AVEN: variants seen among roughly 807,000 people sequenced by gnomAD.
AVEN encodes the protein apoptosis and caspase activation inhibitor.
Under a neutral mutation model 38.1 loss-of-function variants are expected in AVEN, and 41 were observed. The observed-to-expected ratio is 1.08, with a 90% CI of 0.84 to 1.40. The LOEUF (loss-of-function observed/expected upper bound fraction) is 1.40. AVEN is among the 40% of genes most tolerant of loss of function. The probability of loss-of-function intolerance (pLI) is 0.00; values close to 1 mark genes in which losing one functional copy is unlikely to be tolerated. For missense variants in AVEN, 605 were observed against 438.8 expected (o/e 1.38, Z -3.38); for synonymous variants, 206 against 171.8 (o/e 1.20, Z -1.56).
intron 2 of AVEN, among the ~76,000 whole-genome samples, chr15:33,983,213 TAC>T (rs1491388409): frequency 1.9e-4 from 7 of 36,922 alleles, no homozygotes; most frequent in South Asian, 1.2e-3. Context: ...TATATATATA[TAC>T]ATATATATAC....
In AVEN at chr15:33,876,145, C is replaced by T. The variant is rs1360763064; in HGVS notation, c.446-150G>A. On this transcript the variant is annotated intron_variant, in intron 2 of 5. Transcript: ENST00000306730. ...TAAAACTGGAACATACCTCCAACTC[C>T]ATTTCCAAAATTACAAAACACACAG... is the stretch of plus-strand genomic sequence containing the variant. 4.6e-6 allele frequency: 3 copies of T among 646,420 alleles called. No individual in the cohort carries two copies. The East Asian group carries it at 8.2e-5, about 18-fold the overall frequency. 40.0% of individuals were successfully genotyped at this position (646,420 alleles called of 1,614,324 possible). A position where few individuals can be genotyped will look rare whatever the true frequency, so the allele number is the denominator to read the frequency against.
intron 1 of AVEN, among the ~76,000 whole-genome samples, chr15:34,025,210 A>G (rs1898402519): frequency 6.6e-6 from 1 of 152,224 alleles, no homozygotes; most frequent in Non-Finnish European, 1.5e-5. Context: ...GTGAAAATGA[A>G]TAAGATTCTG....
intron 1 of AVEN, among the ~76,000 whole-genome samples, chr15:34,024,472 C>CAAAA (rs10531898): frequency 5.9e-5 from 6 of 101,914 alleles, no homozygotes; most frequent in African/African-American, 1.6e-4. Context: ...GACCCTGTCT[C>CAAAA]AAAAAAAAAA....
intron 2 of AVEN, among the ~76,000 whole-genome samples, chr15:33,892,585 T>C (rs1224750274): frequency 6.6e-6 from 1 of 152,210 alleles, no homozygotes; most frequent in Non-Finnish European, 1.5e-5. Flanking sequence ...CATTGGTCTG[T>C]ATCTCTGTTT....
At chr15:33,988,421 G>C (rs1475366546) in intron 2 of AVEN, among the ~76,000 whole-genome samples, 1 of 152,266 alleles carries the variant, frequency 6.6e-6, no homozygotes, top group African/African-American at 2.4e-5. Context: ...GTTTCTACAT[G>C]TATAGAATAG....
chr15:33,900,835 T>A (rs1195951089), intron 2 of AVEN, among the ~76,000 whole-genome samples: 1 of 152,004 alleles, frequency 6.6e-6, no homozygotes, highest in Non-Finnish European at 1.5e-5. Context: ...CAACGAACAG[T>A]TTTTTGTGTT....
At position 34,063,279 on chromosome 15, in the gene AVEN, C is replaced by G; in HGVS notation, n.1280G>C. 2 of 1,614,196 alleles carry G rather than the reference C, an allele frequency of 1.2e-6. No individual in the cohort carries two copies. The highest frequency in any genetic ancestry group is 1.7e-6 in the Non-Finnish European group (2 of 1,180,042). On this transcript the variant is annotated non_coding_transcript_exon_variant, in exon 5 of 12. Transcript: ENST00000675287. The surrounding 1 kb of genome is among the most constrained non-coding windows in gnomAD (Gnocchi z 4.1). ...ACTGGATGAGTGCCAGATCCAGTTTCTCTCTGAGCCCACCATCACTTTTGG... is the reference window on the plus strand; with the variant it reads ...ACTGGATGAGTGCCAGATCCAGTTTGTCTCTGAGCCCACCATCACTTTTGG...
At chr15:34,028,393 C>T (rs1770784486) in intron 1 of AVEN, among the ~76,000 whole-genome samples, 1 of 151,954 alleles carries the variant, frequency 6.6e-6, no homozygotes, top group African/African-American at 2.4e-5. Flanking sequence ...GGCAAAATCC[C>T]GTCTCTATAA....
At chr15:34,018,076 T>C (rs1898026044) in intron 1 of AVEN, among the ~76,000 whole-genome samples, 1 of 152,234 alleles carries the variant, frequency 6.6e-6, no homozygotes, top group African/African-American at 2.4e-5. Context: ...TTATACTTTT[T>C]ACCATTATTT....
intron 5 of AVEN, among the ~76,000 whole-genome samples, chr15:34,048,156 G>A (rs548317142): frequency 8.5e-5 from 13 of 152,284 alleles, no homozygotes; most frequent in South Asian, 4.1e-4. Context: ...GATTACAGGC[G>A]TAAGCCACCA....
At chr15:33,860,512 G>C in intron 11 of AVEN, 1 of 766,584 alleles carries the variant, frequency 1.3e-6, no homozygotes, top group South Asian at 2.6e-5. Flanking sequence ...TTTTTTAACA[G>C]AACAAAGTAG....
At chr15:34,006,623 G>A (rs1897356158) in intron 1 of AVEN, among the ~76,000 whole-genome samples, 2 of 152,284 alleles carry the variant, frequency 1.3e-5, no homozygotes, top group African/African-American at 2.4e-5. Flanking sequence ...GACCTAAACC[G>A]AATTAATGGT....
At chr15:34,015,468 C>T (rs749263140) in intron 1 of AVEN, among the ~76,000 whole-genome samples, 9 of 151,164 alleles carry the variant, frequency 6.0e-5, no homozygotes, top group Non-Finnish European at 1.0e-4. Flanking sequence ...GGTGACAGAG[C>T]GAGACTCCAT....
At chr15:33,885,215 G>C (rs138395785) in intron 2 of AVEN, among the ~76,000 whole-genome samples, 1 of 152,214 alleles carries the variant, frequency 6.6e-6, no homozygotes, top group Non-Finnish European at 1.5e-5. Context: ...AATAGTCACC[G>C]CAATGGCTGC....
intron 2 of AVEN, among the ~76,000 whole-genome samples, chr15:33,986,718 G>T (rs148131373): frequency 6.6e-6 from 1 of 151,830 alleles, no homozygotes; most frequent in Non-Finnish European, 1.5e-5. Context: ...ATGCAGTGGC[G>T]CAATCTTGGC....
chr15:33,964,017 G>T (rs1454265756), intron 2 of AVEN, among the ~76,000 whole-genome samples: 2 of 151,716 alleles, frequency 1.3e-5, no homozygotes, highest in Non-Finnish European at 2.9e-5. Flanking sequence ...ATGTGATGTG[G>T]GTGTGCCTAA....
At chr15:33,935,459 A>G (rs2153052095) in intron 2 of AVEN, among the ~76,000 whole-genome samples, 1 of 151,372 alleles carries the variant, frequency 6.6e-6, no homozygotes, top group African/African-American at 2.4e-5. Context: ...GCATTAGAAA[A>G]GCTGCTATAT....
chr15:33,955,283 T>C (rs1383095987), intron 2 of AVEN, among the ~76,000 whole-genome samples: 2 of 152,172 alleles, frequency 1.3e-5, no homozygotes, highest in African/African-American at 2.4e-5. Context: ...AAAATCTAGA[T>C]AGCAACCAAA....
intron 2 of AVEN, among the ~76,000 whole-genome samples, chr15:33,915,528 C>G (rs550742386): frequency 5.3e-5 from 8 of 152,274 alleles, no homozygotes; most frequent in African/African-American, 1.9e-4. Context: ...GGCTCTTGGT[C>G]CCCAGGAAAG....
Sources: allele counts gnomAD v4.1 joint callset (sites outside exome capture counted in the v4.1 genomes callset), GRCh38; gene constraint gnomAD v4.1.1; non-coding constraint Gnocchi (gnomAD v3.1); transcripts MANE v1.5; gene names NCBI Gene and HGNC (gene_info 2026-07-23, HGNC 2026-07-21).